The following FMN1 variants were observed in gnomAD, a reference collection of about 807,000 sequenced individuals.
FMN1 encodes the protein formin-1.
Under a neutral mutation model 132.4 loss-of-function variants are expected in FMN1, and 110 were observed. The observed-to-expected ratio is 0.83, with a 90% CI of 0.71 to 0.97. The LOEUF is 0.97. Among genes scored for constraint, FMN1 ranks in the 50% least tolerant of loss-of-function variants. The pLI, the probability that FMN1 is intolerant of heterozygous loss-of-function variation, is 0.00. For missense variants in FMN1, 1,792 were observed against 1,705.3 expected, an observed-to-expected ratio of 1.05 and a Z score of -0.90; for synonymous variants, 722 against 651.7, an observed-to-expected ratio of 1.11 and a Z score of -1.64.
intron 5 of FMN1, among the ~76,000 whole-genome samples, chr15:33,081,744 A>G (rs2038468792): frequency 6.6e-6 from 1 of 152,164 alleles, no homozygotes; most frequent in Admixed American, 6.5e-5. Context: ...GCCCTTGCTG[A>G]TTTGTACAGT....
chr15:32,799,030 T>C, intron 18 of FMN1, 77 bp from the exon 19 acceptor site: 2 of 1,243,504 alleles, frequency 1.6e-6, no homozygotes, highest in East Asian at 2.5e-5. Context: ...AGAGGGGGGA[T>C]GCTGGGGGCA....
At chr15:32,877,301 AAAG>A (rs2059660431) in intron 16 of FMN1, among the ~76,000 whole-genome samples, 1 of 151,872 alleles carries the variant, frequency 6.6e-6, no homozygotes, top group South Asian at 2.1e-4. Flanking sequence ...AAAAAAAAAA[AAAG>A]GATAGATGGT....
chr15:32,910,916 C>G (rs921935572), intron 10 of FMN1, among the ~76,000 whole-genome samples: 1 of 152,208 alleles, frequency 6.6e-6, no homozygotes, highest in Non-Finnish European at 1.5e-5. Context: ...AGAACTGACT[C>G]TTGCCCATTA....
In FMN1 at chr15:33,171,898, CA is replaced by C. The variant is rs201930427; in HGVS notation, c.-132+8299del. ...ACAGCCATGAATAGTATTTCAAACA[CA>C]ATGATTCGAATTAAAGAAATGTGTT... is the stretch of plus-strand genomic sequence containing the variant. On this transcript the variant is annotated intron_variant, in intron 3 of 20. Coordinates refer to ENST00000616417, the MANE Select transcript of FMN1 (RefSeq NM_001277313.2). Among the ~76,000 whole-genome samples, 871 of 152,254 alleles carry C rather than the reference CA, an allele frequency of 5.7e-3. 9 individuals are homozygous for C. The highest frequency in any genetic ancestry group is 0.02 in the African/African-American group (828 of 41,546).
At chr15:32,792,052 A>G (rs928471175) in intron 19 of FMN1, among the ~76,000 whole-genome samples, 2 of 152,056 alleles carry the variant, frequency 1.3e-5, no homozygotes, top group Non-Finnish European at 2.9e-5. Context: ...CACTTAAGGA[A>G]CAGAAGAAAC....
At position 33,041,703 on chromosome 15, in the gene FMN1, G is replaced by A. The variant is rs533054487; in HGVS notation, c.2161+23254C>T. 2.6e-5 allele frequency among the ~76,000 whole-genome samples: 4 copies of A among 151,958 alleles called. No individual in the cohort carries two copies. The East Asian group carries it at 7.7e-4, about 29-fold the overall frequency. The stretch of plus-strand genomic sequence containing the variant: ...TTAAAACGGCTATTAAAAAAAAACG[G>A]TAAATAAGTGTTGTCAAGGATATGA... On this transcript the variant is annotated intron_variant, in intron 6 of 20. Transcript: ENST00000616417.
At chr15:33,019,729 G>A (rs754382466) in intron 6 of FMN1, among the ~76,000 whole-genome samples, 16 of 152,218 alleles carry the variant, frequency 1.1e-4, no homozygotes, top group Non-Finnish European at 2.1e-4. Flanking sequence ...TGAGTGCTAA[G>A]CCCCTCACTG....
chr15:33,136,426 C>CAGA (rs1963768823), intron 4 of FMN1, among the ~76,000 whole-genome samples: 1 of 152,188 alleles, frequency 6.6e-6, no homozygotes, highest in South Asian at 2.1e-4. Context: ...AACACAGAGA[C>CAGA]AGACGTGTTT....
chr15:32,813,520 CTT>C (rs1412860544), intron 17 of FMN1, among the ~76,000 whole-genome samples: 2 of 152,168 alleles, frequency 1.3e-5, no homozygotes, highest in Non-Finnish European at 2.9e-5. Context: ...GGCCTTCAGA[CTT>C]TATGAAGGAT....
chr15:32,830,697 G>A (rs1287972125), intron 17 of FMN1, among the ~76,000 whole-genome samples: 1 of 152,044 alleles, frequency 6.6e-6, no homozygotes, highest in Non-Finnish European at 1.5e-5. Flanking sequence ...ACAGAAAGAG[G>A]GGCAGTTATA....
chr15:32,879,269 A>G (rs992285987), intron 16 of FMN1, among the ~76,000 whole-genome samples: 3 of 152,202 alleles, frequency 2.0e-5, no homozygotes, highest in Admixed American at 6.5e-5. Flanking sequence ...TTTGCTTGCA[A>G]AACTAAATAT....
At chr15:33,026,578 T>C (rs529613212) in intron 6 of FMN1, among the ~76,000 whole-genome samples, 8 of 152,356 alleles carry the variant, frequency 5.3e-5, no homozygotes, top group African/African-American at 1.9e-4. Flanking sequence ...TATGATTTTA[T>C]ATCATGATTA....
At chr15:33,115,865 T>C (rs1034047253) in intron 4 of FMN1, among the ~76,000 whole-genome samples, 1 of 152,134 alleles carries the variant, frequency 6.6e-6, no homozygotes, top group African/African-American at 2.4e-5. Context: ...CAGCTTCCAA[T>C]GAGAGGAATT....
At chr15:32,939,539 C>T (rs760489332) in intron 9 of FMN1, among the ~76,000 whole-genome samples, 1 of 151,910 alleles carries the variant, frequency 6.6e-6, no homozygotes, top group Non-Finnish European at 1.5e-5. Context: ...ATAACCAGAA[C>T]GTAATTTATG....
intron 17 of FMN1, among the ~76,000 whole-genome samples, chr15:32,832,139 C>A (rs757681538): frequency 2.6e-5 from 4 of 152,130 alleles, no homozygotes; most frequent in Non-Finnish European, 5.9e-5. Context: ...AATAGCTATA[C>A]CCCAAAGAGT....
intron 3 of FMN1, among the ~76,000 whole-genome samples, chr15:33,170,543 A>G (rs1382328289): frequency 6.7e-6 from 1 of 148,324 alleles, no homozygotes. Context: ...GGGAACTCAA[A>G]CAACTCAACA....
At chr15:33,140,304 A>G (rs1963956151) in intron 4 of FMN1, among the ~76,000 whole-genome samples, 1 of 151,978 alleles carries the variant, frequency 6.6e-6, no homozygotes, top group Non-Finnish European at 1.5e-5. Context: ...GCTGCACTGC[A>G]GGTGATGAAC....
At chr15:32,789,987 A>G (rs371006117) in intron 19 of FMN1, among the ~76,000 whole-genome samples, 3 of 152,220 alleles carry the variant, frequency 2.0e-5, no homozygotes, top group African/African-American at 7.2e-5. Flanking sequence ...ATGTTCGCAC[A>G]ATGATGAAAT....
intron 17 of FMN1, among the ~76,000 whole-genome samples, chr15:32,833,036 A>G (rs2058539177): frequency 6.6e-6 from 1 of 151,968 alleles, no homozygotes; most frequent in Non-Finnish European, 1.5e-5. Context: ...CCCACTTTAC[A>G]ACTCCTCCTT....
Sources: allele counts gnomAD v4.1 joint callset (sites outside exome capture counted in the v4.1 genomes callset), GRCh38; gene constraint gnomAD v4.1.1; transcripts MANE v1.5; gene names NCBI Gene and HGNC (gene_info 2026-07-23, HGNC 2026-07-21).